Variants in ARRDC5 observed in about 807,000 individuals in gnomAD.
ARRDC5 encodes arrestin domain containing 5, also known as arrestin domain-containing protein 5.
Under a neutral mutation model 13.3 loss-of-function variants are expected in ARRDC5, and 12 were observed. That is an observed-to-expected ratio of 0.90 (90% CI 0.58 to 1.46). The LOEUF (loss-of-function observed/expected upper bound fraction) is 1.46. Ranked by LOEUF, ARRDC5 falls within the 40% of genes most tolerant of loss-of-function variation. ARRDC5 has a pLI of 0.00. For missense variants in ARRDC5, 406 were observed against 418.7 expected (o/e 0.97, Z 0.26); for synonymous variants, 181 against 173.4 (o/e 1.04, Z -0.34).
At chr19:4,907,338 C>T (rs2032085256), upstream of ARRDC5, among the ~76,000 whole-genome samples, 1 of 152,082 alleles carries the variant, frequency 6.6e-6, no homozygotes, top group Non-Finnish European at 1.5e-5. Flanking sequence ...GGCACGATCT[C>T]TGCTCACTGG....
At position 4,891,119 on chromosome 19, in the gene ARRDC5, G is replaced by A. The variant is rs769878777; in HGVS notation, c.914C>T (p.Ala305Val). ...KAKVPIIITS[A>V]SVDSAICQLS... ...CTGGCAGATGGCAGAGTCCACTGAG[G>A]CGCTGGTGATGATGATGGGAACTTT... is the stretch of plus-strand genomic sequence containing the variant. Residue 305 changes from alanine to valine, a missense_variant, in exon 3 of 3, where the codon GCC (alanine) becomes GTC (valine). Physicochemically the swap from Ala to Val is moderately conservative, Grantham distance 64. Transcript: ENST00000650722. 4.3e-6 allele frequency: 7 copies of A among 1,613,860 alleles called. No homozygotes were observed. Among genetic ancestry groups the A allele is most frequent in the Non-Finnish European group, 4.2e-6 (5 of 1,179,884 alleles).
intron 2 of ARRDC5, among the ~76,000 whole-genome samples, chr19:4,893,501 G>A (rs1425187784): frequency 4.5e-4 from 59 of 131,488 alleles, no homozygotes; most frequent in African/African-American, 1.5e-3. Flanking sequence ...GTGAGACTCT[G>A]TCTCAAAAAA....
At chr19:4,902,295 C>G (rs1231504278) in intron 1 of ARRDC5, among the ~76,000 whole-genome samples, 1 of 152,218 alleles carries the variant, frequency 6.6e-6, no homozygotes, top group Non-Finnish European at 1.5e-5. Context: ...TTCTCAGAGG[C>G]CTCTCAAAGG....
intron 2 of ARRDC5, among the ~76,000 whole-genome samples, chr19:4,895,556 GT>G (rs1452002429): frequency 5.9e-5 from 9 of 151,666 alleles, no homozygotes; most frequent in African/African-American, 2.2e-4. Flanking sequence ...TTTGGCCAAC[GT>G]CCCTCCTCCC....
Position 4,896,405 on chromosome 19 carries a change from C to CACATAT in ARRDC5, c.459+265_459+266insATATGT, listed in dbSNP as rs539564532. On this transcript the variant is annotated intron_variant, in intron 2 of 2. Coordinates refer to ENST00000650722, the MANE Select transcript of ARRDC5 (RefSeq NM_001080523.3). ...ACACACACACACACACACACACACA[C>CACATAT]ATATATATAATTTTATTTTAGAGAC... Among the ~76,000 whole-genome samples, 400 of 106,334 alleles carry CACATAT rather than the reference C, an allele frequency of 3.8e-3. 1 individual carries two copies. The highest frequency in any genetic ancestry group is 5.5e-3 in the Non-Finnish European group (304 of 55,146). 69.8% of individuals were successfully genotyped at this position (106,334 alleles called of 152,430 possible).
chr19:4,914,310 C>G, the ARRDC5 span, among the ~76,000 whole-genome samples: 1 of 152,036 alleles, frequency 6.6e-6, no homozygotes, highest in Non-Finnish European at 1.5e-5. Context: ...CTGCAGGCAC[C>G]CAGGCTAACG....
chr19:4,896,385 C>T (rs1388338104), intron 2 of ARRDC5, among the ~76,000 whole-genome samples: 1 of 126,702 alleles, frequency 7.9e-6, no homozygotes, highest in South Asian at 2.6e-4. Flanking sequence ...CACACACACA[C>T]ACACACACAC....
At chr19:4,894,510 C>CAAAAAAAAAAAAA (rs575777769) in intron 2 of ARRDC5, among the ~76,000 whole-genome samples, 25 of 27,222 alleles carry the variant, frequency 9.2e-4, no homozygotes, top group South Asian at 7.4e-3. Flanking sequence ...GACTCCGTCT[C>CAAAAAAAAAAAAA]AAAAAAAAAA....
upstream of ARRDC5, among the ~76,000 whole-genome samples, chr19:4,904,035 G>A (rs191168497): frequency 1.3e-5 from 2 of 151,954 alleles, no homozygotes; most frequent in Admixed American, 1.3e-4. Context: ...GGAGTGCAGT[G>A]GCGTGATCTC....
chr19:4,893,361 C>A (rs1405397448), intron 2 of ARRDC5, among the ~76,000 whole-genome samples: 2 of 146,902 alleles, frequency 1.4e-5, no homozygotes, highest in African/African-American at 5.0e-5. Context: ...CAAAAGTTGG[C>A]CGGGTGTGAT....
At chr19:4,908,939 C>G in the ARRDC5 span, among the ~76,000 whole-genome samples, 17 of 152,108 alleles carry the variant, frequency 1.1e-4, no homozygotes, top group Non-Finnish European at 2.5e-4. Flanking sequence ...CAGCCCTGCC[C>G]GCCTGGACAG....
At chr19:4,908,808 C>T in the ARRDC5 span, among the ~76,000 whole-genome samples, 1 of 152,216 alleles carries the variant, frequency 6.6e-6, no homozygotes, top group Admixed American at 6.5e-5. Context: ...CTGCCATGTA[C>T]ACCGCTGGGT....
At chr19:4,893,252 TC>T in intron 2 of ARRDC5, among the ~76,000 whole-genome samples, 1 of 144,254 alleles carries the variant, frequency 6.9e-6, no homozygotes, top group African/African-American at 2.5e-5. Flanking sequence ...ACACCTGTAA[TC>T]CCAGCACTTT....
intron 2 of ARRDC5, among the ~76,000 whole-genome samples, chr19:4,891,968 A>AAG (rs1555740044): frequency 1.3e-5 from 2 of 150,460 alleles, no homozygotes; most frequent in African/African-American, 4.9e-5. Flanking sequence ...AAAAAAAAAA[A>AAG]GTCTCTGGGG....
At chr19:4,911,403 G>T in the ARRDC5 span, among the ~76,000 whole-genome samples, 1 of 152,198 alleles carries the variant, frequency 6.6e-6, no homozygotes, top group Non-Finnish European at 1.5e-5. Flanking sequence ...TGGTAGCTAG[G>T]ACGGAGGGGA....
upstream of ARRDC5, among the ~76,000 whole-genome samples, chr19:4,906,441 C>T (rs557201100): frequency 3.3e-4 from 51 of 152,314 alleles, no homozygotes; most frequent in South Asian, 4.8e-3. Flanking sequence ...GGCTGTGCCC[C>T]TCACCACGTG....
upstream of ARRDC5, among the ~76,000 whole-genome samples, chr19:4,907,561 C>T (rs578094057): frequency 2.6e-5 from 4 of 151,756 alleles, no homozygotes; most frequent in African/African-American, 4.9e-5. Flanking sequence ...TGAGCCACCA[C>T]GCCCGGCCCA....
In ARRDC5 at chr19:4,902,893, C is replaced by A; in HGVS notation, c.-68G>T. ...GTCCCTGAAATTCCCGGTTCGTTGGCCCTAGTGAGGTAATCCATCTATGAC... is the reference window on the plus strand; with the variant it reads ...GTCCCTGAAATTCCCGGTTCGTTGGACCTAGTGAGGTAATCCATCTATGAC... On this transcript the variant is annotated 5_prime_UTR_variant, in exon 1 of 3. Transcript: ENST00000650722. 6.2e-7 allele frequency: 1 copy of A among 1,608,976 alleles called. No homozygotes were observed. Among genetic ancestry groups the A allele is most frequent in the Non-Finnish European group, 8.5e-7 (1 of 1,177,542 alleles).
chr19:4,897,080 C>T (rs2031762912), intron 1 of ARRDC5, among the ~76,000 whole-genome samples: 1 of 152,152 alleles, frequency 6.6e-6, no homozygotes, highest in Non-Finnish European at 1.5e-5. Flanking sequence ...CCTCAGCCTC[C>T]TGAGTAGCTG....
Sources: allele counts gnomAD v4.1 joint callset (sites outside exome capture counted in the v4.1 genomes callset), GRCh38; gene constraint gnomAD v4.1.1; transcripts MANE v1.5; gene names NCBI Gene and HGNC (gene_info 2026-07-23, HGNC 2026-07-21).